The following CGNL1 variants were observed in gnomAD, a reference collection of about 807,000 sequenced individuals.
CGNL1 encodes the protein cingulin like 1, also known as cingulin-like protein 1.
A neutral mutation model predicts 141.2 loss-of-function variants in CGNL1; 132 were observed. The ratio of observed to expected loss-of-function variants is 0.93; its 90% CI spans 0.81 to 1.08. CGNL1 has a LOEUF of 1.08. CGNL1 is among the 50% of genes least tolerant of loss of function. The probability of loss-of-function intolerance (pLI) is 0.00; values close to 1 mark genes in which losing one functional copy is unlikely to be tolerated. For missense variants in CGNL1, 1,870 were observed against 1,588.6 expected (o/e 1.18, Z -3.01); for synonymous variants, 690 against 622.1 (o/e 1.11, Z -1.63).
At chr15:57,543,812 G>T (rs373924494) in intron 15 of CGNL1, 33 bp downstream of exon 15, 1 of 1,523,842 alleles carries the variant, frequency 6.6e-7, no homozygotes, top group Non-Finnish European at 9.1e-7. Context: ...CTGCCCCCCC[G>T]TCCATCCGCT....
At chr15:57,441,073 CAA>C (rs11301544) in intron 3 of CGNL1, among the ~76,000 whole-genome samples, 11,176 of 138,858 alleles carry the variant, frequency 0.08, 514 homozygotes, top group African/African-American at 0.13. Flanking sequence ...AGAGGAAGGA[CAA>C]AAAAAAAAAA....
intron 1 of CGNL1, among the ~76,000 whole-genome samples, chr15:57,403,376 C>A (rs1203368130): frequency 6.6e-6 from 1 of 152,162 alleles, no homozygotes; most frequent in Non-Finnish European, 1.5e-5. Context: ...CTTCCCCTTT[C>A]CCCCCAACAA....
At chr15:57,429,594 T>G (rs940971808) in intron 1 of CGNL1, among the ~76,000 whole-genome samples, 2 of 152,210 alleles carry the variant, frequency 1.3e-5, no homozygotes, top group South Asian at 4.1e-4. Context: ...CAACAAATAT[T>G]TATTAAATCT....
rs115841100 is a variant in CGNL1 at position 57,542,464 on chromosome 15, G to T, written c.3292-1232G>T. On this transcript the variant is annotated intron_variant, in intron 14 of 18. Coordinates refer to ENST00000281282, the MANE Select transcript of CGNL1 (RefSeq NM_032866.5). The stretch of plus-strand genomic sequence containing the variant: ...ATTTTACTCTTGCACAAGCCACTGG[G>T]AATTGGGAGAAGAGATGCTGATGGT... 3.0e-3 allele frequency among the ~76,000 whole-genome samples: 453 copies of T among 152,314 alleles called. 2 individuals are homozygous for T. Among genetic ancestry groups the T allele is most frequent in the African/African-American group, 0.01 (418 of 41,556 alleles).
intron 1 of CGNL1, among the ~76,000 whole-genome samples, chr15:57,421,438 TGGCTTAGGAGATCCTG>T (rs2062913716): frequency 6.6e-6 from 1 of 152,186 alleles, no homozygotes; most frequent in Admixed American, 6.5e-5. Flanking sequence ...TCTTTCCTCC[TGGCTTAGGAGATCCTG>T]GGCTTAGGAG....
At chr15:57,479,244 G>A (rs887161769) in intron 8 of CGNL1, among the ~76,000 whole-genome samples, 1 of 152,218 alleles carries the variant, frequency 6.6e-6, no homozygotes, top group Non-Finnish European at 1.5e-5. Context: ...AGGTGAGGGT[G>A]TGGAGGATGG....
chr15:57,398,205 AC>A (rs2062623398), intron 1 of CGNL1: 2 of 152,350 alleles, frequency 1.3e-5, no homozygotes, highest in South Asian at 4.1e-4. Flanking sequence ...TTTCAGTTCT[AC>A]CATGAAGATA....
At chr15:57,537,168 C>T (rs761818310) in intron 14 of CGNL1, among the ~76,000 whole-genome samples, 2 of 152,200 alleles carry the variant, frequency 1.3e-5, no homozygotes, top group African/African-American at 2.4e-5. Context: ...GATGACCCAG[C>T]CCAGTGGAGA....
chr15:57,451,291 T>C (rs2063318691), intron 4 of CGNL1, among the ~76,000 whole-genome samples: 1 of 152,180 alleles, frequency 6.6e-6, no homozygotes, highest in African/African-American at 2.4e-5. Flanking sequence ...TAGAATAAAG[T>C]TCACTGGAGT....
chr15:57,518,328 C>T (rs2030989389), intron 9 of CGNL1, 65 bp from the exon 10 acceptor site: 1 of 1,200,692 alleles, frequency 8.3e-7, no homozygotes, highest in African/African-American at 1.5e-5. Flanking sequence ...CATTTAATTC[C>T]ATTGAGTCAG....
Position 57,393,018 on chromosome 15 carries a change from A to C in CGNL1, c.-16+16451A>C, listed in dbSNP as rs142178453. Among the ~76,000 whole-genome samples the C allele has an allele frequency of 1.9e-4, 29 of 152,260 alleles. 1 individual carries two copies. The highest frequency in any genetic ancestry group is 6.3e-4 in the African/African-American group (26 of 41,556). ...AAGAATTATATGTAGTGGTATTTTC[A>C]AGTCTAATTCTCTTCCATATACAAA... On this transcript the variant is annotated intron_variant, in intron 1 of 18. Transcript: ENST00000281282.
rs1370153447 is a variant in CGNL1 at position 57,438,423 on chromosome 15, CT to C, written c.425del (p.Leu142ArgfsTer2). Reference protein sequence around the residue: ...RKDGSVKPSHLLNFQRHPELL... With the variant: ...RKDGSVKPSHXLNFQRHPELL... The stretch of plus-strand genomic sequence containing the variant: ...AGACGGGTCTGTGAAGCCATCTCAC[CT>C]GCTGAACTTTCAGAGGCATCCAGAG... On this transcript the variant is annotated frameshift_variant, in exon 2 of 19. Coordinates refer to ENST00000281282, the MANE Select transcript of CGNL1 (RefSeq NM_032866.5). LOFTEE classifies it high-confidence loss of function. 6.2e-7 allele frequency: 1 copy of C among 1,614,184 alleles called. No homozygotes were observed. Among genetic ancestry groups the C allele is most frequent in the Non-Finnish European group, 8.5e-7 (1 of 1,180,036 alleles).
rs1237775262 is a variant in CGNL1, at chr15:57,550,040, G to A, written c.*2550G>A. ...TGGCCAGTTCTTTCCAGTAGCCATGGGGCTGGCTACAAGAAGCAAAACTGC... is the reference window on the plus strand; with the variant it reads ...TGGCCAGTTCTTTCCAGTAGCCATGAGGCTGGCTACAAGAAGCAAAACTGC... On this transcript the variant is annotated 3_prime_UTR_variant, in exon 19 of 19. Transcript: ENST00000281282. 1.3e-5 allele frequency: 2 copies of A among 152,198 alleles called. No individual in the cohort carries two copies. Among genetic ancestry groups the A allele is most frequent in the Non-Finnish European group, 2.9e-5 (2 of 68,044 alleles). 9.4% of individuals were successfully genotyped at this position (152,198 alleles called of 1,614,324 possible). A position where few individuals can be genotyped will look rare whatever the true frequency, so the allele number is the denominator to read the frequency against.
chr15:57,550,340 G>T lies in CGNL1; in HGVS notation c.*2850G>T, dbSNP rs1454449377. On this transcript the variant is annotated 3_prime_UTR_variant, in exon 19 of 19. Coordinates refer to ENST00000281282, the MANE Select transcript of CGNL1 (RefSeq NM_032866.5). Reference sequence around the variant, plus strand: ...GATTAGTGCCCACGGTCCTTTCCAGGTATAACATGCTATCGTTCTTTAATT... The same window carrying T: ...GATTAGTGCCCACGGTCCTTTCCAGTTATAACATGCTATCGTTCTTTAATT... The T allele has an allele frequency of 6.6e-6, 1 of 152,592 alleles. No individual in the cohort carries two copies. Among genetic ancestry groups the T allele is most frequent in the Non-Finnish European group, 1.5e-5 (1 of 68,040 alleles). The allele number at this position is 152,592 out of a possible 1,614,324, so 9.5% of individuals were successfully genotyped here.
At chr15:57,482,166 A>G (rs1197248276) in intron 8 of CGNL1, among the ~76,000 whole-genome samples, 1 of 151,934 alleles carries the variant, frequency 6.6e-6, no homozygotes, top group Non-Finnish European at 1.5e-5. Flanking sequence ...TATTCTAGAT[A>G]TGAGCACTTT....
chr15:57,439,312 A>T lies in CGNL1; in HGVS notation c.1313A>T (p.Gln438Leu), dbSNP rs761969702. The T allele has an allele frequency of 1.2e-6, 2 of 1,614,022 alleles. No individual in the cohort carries two copies. Among genetic ancestry groups the T allele is most frequent in the South Asian group, 2.2e-5 (2 of 91,096 alleles). The change falls in exon 2 of 19, where the codon CAG (glutamine) becomes CTG (leucine). Residue 438 changes from glutamine to leucine, a missense_variant. Physicochemically the swap from Gln to Leu is moderately radical, Grantham distance 113. Coordinates refer to ENST00000281282, the MANE Select transcript of CGNL1 (RefSeq NM_032866.5). Reference sequence around the variant, plus strand: ...CTGTCTCAGGAGCGCCGTGGGAAACAGAGCGTGGGCCGCACCTTTGCAAAG... The same window carrying T: ...CTGTCTCAGGAGCGCCGTGGGAAACTGAGCGTGGGCCGCACCTTTGCAAAG... ...RPLSQERRGK[Q>L]SVGRTFAKLQ...
At chr15:57,468,892 C>T (rs1428221853) in intron 8 of CGNL1, among the ~76,000 whole-genome samples, 1 of 152,184 alleles carries the variant, frequency 6.6e-6, no homozygotes, top group Non-Finnish European at 1.5e-5. Flanking sequence ...CGCTTTTGCG[C>T]CTTCCTCATT....
Position 57,438,795 on chromosome 15 carries a change from C to T in CGNL1, c.796C>T (p.Pro266Ser). The change falls in exon 2 of 19, where the codon CCT (proline) becomes TCT (serine). Residue 266 changes from proline to serine, a missense_variant. Pro to Ser is a moderately conservative substitution (Grantham distance 74). Coordinates refer to ENST00000281282, the MANE Select transcript of CGNL1 (RefSeq NM_032866.5). ...PLTAHSPHAH[P>S]ETKKTRPDVL... is the part of the protein sequence containing the mutation. ...GACTGCCCACAGCCCACATGCCCAC[C>T]CTGAAACCAAGAAAACCAGGCCAGA... 6.2e-7 allele frequency: 1 copy of T among 1,614,182 alleles called. No homozygotes were observed. The highest frequency in any genetic ancestry group is 8.5e-7 in the Non-Finnish European group (1 of 1,180,038).
chr15:57,404,071 T>C (rs547456964), intron 1 of CGNL1, among the ~76,000 whole-genome samples: 20 of 152,236 alleles, frequency 1.3e-4, no homozygotes, highest in Non-Finnish European at 2.8e-4. Flanking sequence ...GGTGTTGATT[T>C]TGACTGCTGG....
Sources: allele counts gnomAD v4.1 joint callset (sites outside exome capture counted in the v4.1 genomes callset), GRCh38; gene constraint gnomAD v4.1.1; transcripts MANE v1.5; gene names NCBI Gene and HGNC (gene_info 2026-07-23, HGNC 2026-07-21).